ZNF215: variants seen among roughly 807,000 people sequenced by gnomAD.
ZNF215 encodes zinc finger protein 215, also known as BWSCR2-associated zinc finger protein 2.
Under a neutral mutation model 27.2 loss-of-function variants are expected in ZNF215, and 24 were observed. The ratio of observed to expected loss-of-function variants is 0.88; its 90% CI spans 0.64 to 1.24. The LOEUF is 1.24. ZNF215 is among the 50% of genes most tolerant of loss of function. ZNF215 has a pLI of 0.00. For missense variants in ZNF215, 675 were observed against 605.7 expected, an observed-to-expected ratio of 1.11 and a Z score of -1.20; for synonymous variants, 210 against 204.0, an observed-to-expected ratio of 1.03 and a Z score of -0.25.
chr11:6,956,896 A>G lies in ZNF215; in HGVS notation c.*365A>G. On this transcript the variant is annotated 3_prime_UTR_variant, in exon 7 of 7. Coordinates refer to ENST00000278319, the MANE Select transcript of ZNF215 (RefSeq NM_013250.4). Reference sequence around the variant, plus strand: ...ACGAAGTAGACATTAGGCAAAGCCAAACAATACTCTTGGAGTTGATATTTA... The same window carrying G: ...ACGAAGTAGACATTAGGCAAAGCCAGACAATACTCTTGGAGTTGATATTTA... 1 of 1,002,190 alleles carries G rather than the reference A, an allele frequency of 1.0e-6. No homozygotes were observed. Among genetic ancestry groups the G allele is most frequent in the Non-Finnish European group, 1.2e-6 (1 of 840,346 alleles). The allele number at this position is 1,002,190 out of a possible 1,614,324, so 62.1% of individuals were successfully genotyped here.
intron 6 of ZNF215, among the ~76,000 whole-genome samples, chr11:6,950,662 A>G (rs1191917428): frequency 6.6e-6 from 1 of 151,408 alleles, no homozygotes; most frequent in East Asian, 2.0e-4. Context: ...TAGATATACA[A>G]TCATGTCATC....
At chr11:6,928,630 G>A (rs1045772443) in intron 2 of ZNF215, among the ~76,000 whole-genome samples, 3 of 151,914 alleles carry the variant, frequency 2.0e-5, no homozygotes, top group East Asian at 1.9e-4. Flanking sequence ...ATTTTTACCC[G>A]GTACATTTAT....
rs1479676072 is a variant in ZNF215 at position 6,957,825 on chromosome 11, T to TCTC, written c.*1297_*1299dup. 2 of 985,248 alleles carry TCTC rather than the reference T, an allele frequency of 2.0e-6. No individual in the cohort carries two copies. The highest frequency in any genetic ancestry group is 1.2e-6 in the Non-Finnish European group (1 of 829,910). 61.0% of individuals were successfully genotyped at this position (985,248 alleles called of 1,614,324 possible). A position where few individuals can be genotyped will look rare whatever the true frequency, so the allele number is the denominator to read the frequency against. On this transcript the variant is annotated 3_prime_UTR_variant, in exon 7 of 7. Transcript: ENST00000278319. ...ACCAGACATTATGAAGTTATTAAAGTCTCCTATACTCTGTACACCAGAACT... is the reference window on the plus strand; with the variant it reads ...ACCAGACATTATGAAGTTATTAAAGTCTCCTCCTATACTCTGTACACCAGAACT...
downstream of ZNF215, among the ~76,000 whole-genome samples, chr11:6,991,427 G>A (rs535980398): frequency 8.5e-5 from 13 of 152,278 alleles, no homozygotes; most frequent in African/African-American, 3.1e-4. Context: ...ACACCGTCGG[G>A]GCTGGTACTC....
chr11:6,951,509 G>T (rs1850058686), intron 6 of ZNF215, among the ~76,000 whole-genome samples: 1 of 152,186 alleles, frequency 6.6e-6, no homozygotes, highest in Non-Finnish European at 1.5e-5. Context: ...AGATTTTCTA[G>T]TTTATTTGCA....
At chr11:6,962,169 T>C (rs1280625530), downstream of ZNF215, among the ~76,000 whole-genome samples, 1 of 152,202 alleles carries the variant, frequency 6.6e-6, no homozygotes, top group East Asian at 1.9e-4. Flanking sequence ...GTTTGTTTGC[T>C]TTTTAATCCT....
At chr11:6,980,625 ATACTT>A (rs1320238776) in intron 5 of ZNF215, among the ~76,000 whole-genome samples, 4 of 145,966 alleles carry the variant, frequency 2.7e-5, no homozygotes, top group Non-Finnish European at 6.1e-5. Context: ...TATTATTATT[ATACTT>A]TAAGTTTTAG....
chr11:6,942,075 T>C (rs757818479), intron 4 of ZNF215, among the ~76,000 whole-genome samples: 1 of 152,024 alleles, frequency 6.6e-6, no homozygotes, highest in Non-Finnish European at 1.5e-5. Context: ...AAGGGAGAAA[T>C]GCTTTAAAGG....
At chr11:6,954,612 AC>A (rs1850244788) in intron 6 of ZNF215, among the ~76,000 whole-genome samples, 1 of 152,164 alleles carries the variant, frequency 6.6e-6, no homozygotes, top group Admixed American at 6.5e-5. Flanking sequence ...GGTGGGAGTG[AC>A]CCGATTTTCC....
rs780595899 is a variant in ZNF215 at position 6,932,532 on chromosome 11, T to G, written c.260T>G (p.Ile87Ser). ...CCAGAGATTCATACAAAGAAGCAGA[T>G]TATAGAACTGTTGGTGCTGGAACAA... ...LRPEIHTKKQ[I>S]IELLVLEQFL... The change falls in exon 3 of 7, where the codon ATT (isoleucine) becomes AGT (serine). Residue 87 changes from isoleucine to serine, a missense_variant. Ile to Ser is a moderately radical substitution (Grantham distance 142). Coordinates refer to ENST00000278319, the MANE Select transcript of ZNF215 (RefSeq NM_013250.4). 1 of 1,614,128 alleles carries G rather than the reference T, an allele frequency of 6.2e-7. No individual in the cohort carries two copies. Among genetic ancestry groups the G allele is most frequent in the Non-Finnish European group, 8.5e-7 (1 of 1,180,028 alleles).
chr11:6,945,234 G>GT (rs1371936006), intron 6 of ZNF215, among the ~76,000 whole-genome samples: 108 of 151,976 alleles, frequency 7.1e-4, no homozygotes, highest in African/African-American at 2.5e-3. Flanking sequence ...AATACCCTCG[G>GT]TCCCCGCTCC....
chr11:6,926,769 G>A (rs1849057941), intron 1 of ZNF215, 84 bp downstream of exon 1: 1 of 152,332 alleles, frequency 6.6e-6, no homozygotes, highest in Admixed American at 6.5e-5. Context: ...GCGGGGTCTT[G>A]GAATTGGGAA....
chr11:6,928,131 T>A (rs543992631), intron 2 of ZNF215, among the ~76,000 whole-genome samples: 1 of 152,332 alleles, frequency 6.6e-6, no homozygotes, highest in East Asian at 1.9e-4. Flanking sequence ...GTAATAAATA[T>A]GGTTTCCACT....
At chr11:6,938,913 T>A (rs1376083116) in intron 3 of ZNF215, among the ~76,000 whole-genome samples, 1 of 152,156 alleles carries the variant, frequency 6.6e-6, no homozygotes, top group Non-Finnish European at 1.5e-5. Context: ...TTTGCCTTTT[T>A]TTAAACTTAA....
chr11:6,976,322 A>G (rs1850832842), intron 5 of ZNF215, among the ~76,000 whole-genome samples: 1 of 152,026 alleles, frequency 6.6e-6, no homozygotes, highest in Non-Finnish European at 1.5e-5. Context: ...AGTCCAATTA[A>G]TGTCTTAAAA....
intron 2 of ZNF215, among the ~76,000 whole-genome samples, chr11:6,931,152 G>C (rs1353012602): frequency 6.6e-6 from 1 of 152,198 alleles, no homozygotes; most frequent in African/African-American, 2.4e-5. Context: ...CACCTGAATA[G>C]TAAATTGCAT....
At chr11:6,980,607 T>TTTA (rs76218427) in intron 5 of ZNF215, among the ~76,000 whole-genome samples, 51 of 150,954 alleles carry the variant, frequency 3.4e-4, no homozygotes, top group Middle Eastern at 3.4e-3. Context: ...TAGTTTACTT[T>TTTA]TTATTATTAT....
At chr11:6,953,874 T>C (rs924751753) in intron 6 of ZNF215, among the ~76,000 whole-genome samples, 4 of 152,216 alleles carry the variant, frequency 2.6e-5, no homozygotes, top group African/African-American at 7.2e-5. Context: ...TTTTATCTAC[T>C]TTTAGTCTTT....
intron 6 of ZNF215, among the ~76,000 whole-genome samples, chr11:6,994,279 A>T (rs1851153311): frequency 6.6e-6 from 1 of 151,984 alleles, no homozygotes; most frequent in South Asian, 2.1e-4. Flanking sequence ...AAATGTTGTG[A>T]TAAGAAGCTC....
Sources: gnomAD v4.1 joint callset for allele counts (sites outside exome capture counted in the v4.1 genomes callset) on GRCh38, gnomAD v4.1.1 for gene constraint, MANE v1.5 for transcripts, NCBI Gene and HGNC (gene_info 2026-07-23, HGNC 2026-07-21) for gene names.